XCR1: variants seen among roughly 807,000 people sequenced by gnomAD.
XCR1 encodes X-C motif chemokine receptor 1.
For synonymous variants in XCR1, 187 were observed against 188.5 expected (o/e 0.99, Z 0.06); for missense variants, 356 against 424.2 (o/e 0.84, Z 1.41).
At chr3:46,079,880 A>T (rs1418332125) in intron 1 of XCR1, among the ~76,000 whole-genome samples, 1 of 152,148 alleles carries the variant, frequency 6.6e-6, no homozygotes, top group Non-Finnish European at 1.5e-5. Flanking sequence ...AATGGCAAAA[A>T]AGGCAATCTG....
At chr3:46,048,042 C>G (rs2133662) in intron 5 of XCR1, among the ~76,000 whole-genome samples, 2 of 152,048 alleles carry the variant, frequency 1.3e-5, no homozygotes, top group African/African-American at 2.4e-5. Context: ...ATGATTTTAC[C>G]ATAGTGACTC....
intron 3 of XCR1, among the ~76,000 whole-genome samples, chr3:46,072,458 C>T (rs1425007316): frequency 1.3e-5 from 2 of 152,048 alleles, no homozygotes; most frequent in Non-Finnish European, 2.9e-5. Flanking sequence ...AGGCAGACAT[C>T]GTACCAATGT....
chr3:46,070,648 T>A (rs1698148661), intron 3 of XCR1, among the ~76,000 whole-genome samples: 1 of 152,104 alleles, frequency 6.6e-6, no homozygotes, highest in Non-Finnish European at 1.5e-5. Flanking sequence ...TTACTTTCAG[T>A]ATATATGTGT....
chr3:46,051,855 T>C (rs1697750763), intron 5 of XCR1, among the ~76,000 whole-genome samples: 1 of 152,098 alleles, frequency 6.6e-6, no homozygotes, highest in African/African-American at 2.4e-5. Context: ...TGAAACTGTG[T>C]CTCTACTAAA....
intron 1 of XCR1, among the ~76,000 whole-genome samples, chr3:46,025,440 G>A (rs1403010546): frequency 8.6e-5 from 13 of 151,620 alleles, no homozygotes; most frequent in Admixed American, 8.5e-4. Context: ...GAGAGAGAAA[G>A]ACCAAAAAAT....
At chr3:46,035,483 C>A (rs78303392) in intron 5 of XCR1, among the ~76,000 whole-genome samples, 1 of 152,158 alleles carries the variant, frequency 6.6e-6, no homozygotes, top group Non-Finnish European at 1.5e-5. Context: ...TTTTGGTTCC[C>A]TAACCAGCAA....
chr3:46,035,971 A>G (rs983321552), intron 5 of XCR1, among the ~76,000 whole-genome samples: 1 of 152,046 alleles, frequency 6.6e-6, no homozygotes, highest in African/African-American at 2.4e-5. Context: ...CAGTGGAGAG[A>G]GGAAGGACCC....
upstream of XCR1, among the ~76,000 whole-genome samples, chr3:46,028,114 C>T (rs1015102123): frequency 6.6e-5 from 10 of 152,190 alleles, no homozygotes; most frequent in African/African-American, 2.4e-5. Context: ...TGGGTCCCCT[C>T]TCTTTGCTGA....
intron 3 of XCR1, among the ~76,000 whole-genome samples, chr3:46,069,786 GTTTT>G (rs1698136006): frequency 6.6e-6 from 1 of 151,810 alleles, no homozygotes; most frequent in South Asian, 2.1e-4. Context: ...GTTTTCTTTT[GTTTT>G]AATTTCATTT....
At chr3:46,054,381 A>G (rs1424795624) in intron 4 of XCR1, among the ~76,000 whole-genome samples, 1 of 152,088 alleles carries the variant, frequency 6.6e-6, no homozygotes, top group Non-Finnish European at 1.5e-5. Context: ...GTTTGCCCAG[A>G]TCCTGCGTTC....
In XCR1 at chr3:46,021,359, A is replaced by G; in HGVS notation, c.589T>C (p.Ser197Pro). Reference sequence around the variant, plus strand: ...TAGCAGAACAGGATAATCCCCAGGGACAGCAGGAAGAAGAGGTTGTGCTGG... The same window carrying G: ...TAGCAGAACAGGATAATCCCCAGGGGCAGCAGGAAGAAGAGGTTGTGCTGG... ...VYQHNLFFLL[S>P]LGIILFCYVE... The change falls in exon 2 of 2, where the codon TCC (serine) becomes CCC (proline). Residue 197 changes from serine (S) to proline (P), a missense_variant. By Grantham distance (74) the Ser-to-Pro change is moderately conservative. Coordinates refer to ENST00000309285, the MANE Select transcript of XCR1 (RefSeq NM_001024644.2). The surrounding 1 kb of genome is among the most constrained non-coding windows in gnomAD (Gnocchi z 4.7). The G allele has an allele frequency of 6.2e-7, 1 of 1,614,198 alleles. No homozygotes were observed. The highest frequency in any genetic ancestry group is 8.5e-7 in the Non-Finnish European group (1 of 1,180,036).
intron 4 of XCR1, among the ~76,000 whole-genome samples, chr3:46,056,661 T>A (rs1048632914): frequency 4.6e-5 from 7 of 151,396 alleles, no homozygotes; most frequent in African/African-American, 1.7e-4. Flanking sequence ...TATTTATTTT[T>A]TTTTTTGTAG....
chr3:46,038,304 C>A (rs1697474372), intron 5 of XCR1, among the ~76,000 whole-genome samples: 1 of 152,082 alleles, frequency 6.6e-6, no homozygotes, highest in Admixed American at 6.5e-5. Flanking sequence ...AGGCATGAAC[C>A]ACCGTGCCTG....
chr3:46,023,381 A>G, intron 1 of XCR1: 1 of 1,450,254 alleles, frequency 6.9e-7, no homozygotes, highest in Non-Finnish European at 9.7e-7. Flanking sequence ...AAATACGAAG[A>G]GGCGATTTCT....
chr3:46,072,253 T>C (rs968332386), intron 3 of XCR1, among the ~76,000 whole-genome samples: 3 of 152,176 alleles, frequency 2.0e-5, no homozygotes, highest in Admixed American at 6.5e-5. Context: ...GTATGGTGGC[T>C]CATGCCTGTA....
At chr3:46,052,197 C>G (rs910691910) in intron 5 of XCR1, among the ~76,000 whole-genome samples, 1 of 152,166 alleles carries the variant, frequency 6.6e-6, no homozygotes, top group African/African-American at 2.4e-5. Flanking sequence ...ATGGGTTTGT[C>G]TCCCCCAACT....
intron 4 of XCR1, among the ~76,000 whole-genome samples, chr3:46,061,562 T>A (rs1697962550): frequency 6.6e-6 from 1 of 152,332 alleles, no homozygotes; most frequent in Non-Finnish European, 1.5e-5. Context: ...CATTCCCTTC[T>A]CTCTTATGGG....
chr3:46,075,307 C>CT (rs1559495936), intron 2 of XCR1, among the ~76,000 whole-genome samples: 1 of 44,206 alleles, frequency 2.3e-5, no homozygotes, highest in Non-Finnish European at 3.5e-5. Context: ...TGCTCATAGA[C>CT]CAAAAAAAAA....
chr3:46,023,426 C>T (rs1194515973), intron 1 of XCR1: 1 of 1,474,326 alleles, frequency 6.8e-7, no homozygotes, highest in Non-Finnish European at 9.5e-7. Flanking sequence ...CTTTCTGAAG[C>T]CATGAAGCTG....
Sources: allele counts gnomAD v4.1 joint callset (sites outside exome capture counted in the v4.1 genomes callset), GRCh38; gene constraint gnomAD v4.1.1; non-coding constraint Gnocchi (gnomAD v3.1); transcripts MANE v1.5; gene names NCBI Gene and HGNC (gene_info 2026-07-23, HGNC 2026-07-21).